The following CMTM8 variants were observed in gnomAD, a reference collection of about 807,000 sequenced individuals.
CMTM8 encodes CKLF like MARVEL transmembrane domain containing 8.
In CMTM8, 12 loss-of-function variants were observed where a neutral mutation model predicts 18.6. That is an observed-to-expected ratio of 0.65 (90% CI 0.41 to 1.05). The LOEUF (loss-of-function observed/expected upper bound fraction) is 1.05, where lower values mean the gene tolerates loss of function less well. CMTM8 is among the 50% of genes least tolerant of loss of function. The pLI is 0.00. For missense variants in CMTM8, 217 were observed against 227.2 expected (o/e 0.95, Z 0.29); for synonymous variants, 87 against 90.6 (o/e 0.96, Z 0.23).
chr3:32,282,120 A>G (rs1195992695), intron 1 of CMTM8, among the ~76,000 whole-genome samples: 8 of 152,176 alleles, frequency 5.3e-5, no homozygotes, highest in Admixed American at 5.2e-4. Flanking sequence ...CTCTTCTGAT[A>G]TGTCTCATAG....
intron 1 of CMTM8, among the ~76,000 whole-genome samples, chr3:32,309,300 ATTTTTTTTTTTTTT>A (rs4038996): frequency 1.0e-5 from 1 of 96,436 alleles, no homozygotes; most frequent in Non-Finnish European, 2.0e-5. Flanking sequence ...CAATTTACCA[ATTTTTTTTTTTTTT>A]TTTTTTTTTT....
In CMTM8 at chr3:32,239,079, TC is replaced by T; in HGVS notation, c.109del (p.Leu37SerfsTer40). On this transcript the variant is annotated frameshift_variant, in exon 1 of 4. Coordinates refer to ENST00000307526, the MANE Select transcript of CMTM8 (RefSeq NM_178868.5). LOFTEE classifies it high-confidence loss of function. ...AGCAGCTTCGCCTACGACCGGGAGT[TC>T]CTCCGCACCCTGCCCGGCTTCCTCA... ...SSSSFAYDRE[F>X]LRTLPGFLIV... 6.2e-7 allele frequency: 1 copy of T among 1,600,942 alleles called. No homozygotes were observed. Among genetic ancestry groups the T allele is most frequent in the Non-Finnish European group, 8.5e-7 (1 of 1,174,406 alleles).
chr3:32,316,679 C>G (rs1375435132), intron 1 of CMTM8, among the ~76,000 whole-genome samples: 2 of 152,016 alleles, frequency 1.3e-5, no homozygotes, highest in African/African-American at 4.8e-5. Flanking sequence ...TTTTTTTCCC[C>G]CTAAAACAGC....
intron 2 of CMTM8, among the ~76,000 whole-genome samples, chr3:32,361,286 G>GTTTTTTTTTTTTTTTTTTTTT (rs58364646): frequency 1.1e-5 from 1 of 87,266 alleles, no homozygotes; most frequent in African/African-American, 4.0e-5. Flanking sequence ...CAGCCTAAGA[G>GTTTTTTTTTTTTTTTTTTTTT]TTTTTTTTTC....
chr3:32,367,787 G>T, intron 2 of CMTM8, 85 bp from the exon 3 acceptor site: 1 of 856,804 alleles, frequency 1.2e-6, no homozygotes. Context: ...CCCCACACCA[G>T]AGGTACAGCC....
chr3:32,363,629 C>T (rs1029722141), intron 2 of CMTM8, among the ~76,000 whole-genome samples: 1 of 152,210 alleles, frequency 6.6e-6, no homozygotes, highest in Non-Finnish European at 1.5e-5. Flanking sequence ...CCCAAAGCCA[C>T]ATAGCTGTGA....
intron 1 of CMTM8, among the ~76,000 whole-genome samples, chr3:32,286,483 A>G (rs950357856): frequency 6.6e-6 from 1 of 152,112 alleles, no homozygotes; most frequent in African/African-American, 2.4e-5. Context: ...GGCAAAGTTA[A>G]TGTTCCCCAC....
intron 1 of CMTM8, among the ~76,000 whole-genome samples, chr3:32,342,143 G>A (rs1454991917): frequency 6.6e-6 from 1 of 152,058 alleles, no homozygotes; most frequent in African/African-American, 2.4e-5. Context: ...AGCTACTCAG[G>A]AGGCTGAGGC....
intron 1 of CMTM8, among the ~76,000 whole-genome samples, chr3:32,268,438 C>T (rs1702383093): frequency 6.6e-6 from 1 of 152,000 alleles, no homozygotes; most frequent in African/African-American, 2.4e-5. Context: ...ACCCCGGGGC[C>T]TGTTGTGGGG....
At chr3:32,268,799 A>C (rs932347549) in intron 1 of CMTM8, among the ~76,000 whole-genome samples, 1 of 152,210 alleles carries the variant, frequency 6.6e-6, no homozygotes, top group Non-Finnish European at 1.5e-5. Context: ...GTTTTCCAGA[A>C]GTCTGAGTTT....
chr3:32,267,526 A>G (rs1702367738), intron 1 of CMTM8, among the ~76,000 whole-genome samples: 1 of 152,240 alleles, frequency 6.6e-6, no homozygotes, highest in Non-Finnish European at 1.5e-5. Flanking sequence ...ATTACCATTC[A>G]GGACATAGGC....
intron 1 of CMTM8, among the ~76,000 whole-genome samples, chr3:32,325,159 T>G (rs1271961313): frequency 2.0e-5 from 3 of 152,230 alleles, no homozygotes; most frequent in Non-Finnish European, 4.4e-5. Flanking sequence ...CTGCCATCCT[T>G]CAGTGAACTA....
intron 1 of CMTM8, among the ~76,000 whole-genome samples, chr3:32,349,969 C>G (rs868791140): frequency 7.9e-5 from 12 of 152,178 alleles, no homozygotes; most frequent in Admixed American, 1.3e-4. Flanking sequence ...GATCGCAGCA[C>G]TGTACTCTAG....
At chr3:32,266,023 G>A (rs1668360399) in intron 1 of CMTM8, among the ~76,000 whole-genome samples, 1 of 152,188 alleles carries the variant, frequency 6.6e-6, no homozygotes, top group Admixed American at 6.5e-5. Flanking sequence ...TCTACCAGAG[G>A]TACAAAGAGG....
At chr3:32,298,796 C>CT (rs1695538953) in intron 1 of CMTM8, among the ~76,000 whole-genome samples, 1 of 127,332 alleles carries the variant, frequency 7.9e-6, no homozygotes, top group Admixed American at 7.9e-5. Context: ...CCACACCCAG[C>CT]TAATATATAT....
intron 1 of CMTM8, among the ~76,000 whole-genome samples, chr3:32,262,187 C>T (rs1340556418): frequency 2.0e-5 from 3 of 152,126 alleles, no homozygotes; most frequent in African/African-American, 4.8e-5. Context: ...CTCAACACCA[C>T]GAAGCGAGGA....
chr3:32,286,973 C>T (rs1559370229), intron 1 of CMTM8, among the ~76,000 whole-genome samples: 1 of 152,206 alleles, frequency 6.6e-6, no homozygotes, highest in Non-Finnish European at 1.5e-5. Flanking sequence ...CGGCTCTGAG[C>T]GTGGGCAGAT....
chr3:32,342,735 G>A (rs755979437), intron 1 of CMTM8, among the ~76,000 whole-genome samples: 15 of 152,218 alleles, frequency 9.9e-5, no homozygotes, highest in Admixed American at 3.9e-4. Flanking sequence ...GAGAAAAGTA[G>A]GTTTTTTACC....
At chr3:32,360,993 C>T (rs547874285) in intron 2 of CMTM8, among the ~76,000 whole-genome samples, 27 of 152,110 alleles carry the variant, frequency 1.8e-4, no homozygotes, top group African/African-American at 3.1e-4. Context: ...TGTTTTGTTT[C>T]GTTTTGAGAT....
Sources: gnomAD v4.1 joint callset for allele counts (sites outside exome capture counted in the v4.1 genomes callset) on GRCh38, gnomAD v4.1.1 for gene constraint, MANE v1.5 for transcripts, NCBI Gene and HGNC (gene_info 2026-07-23, HGNC 2026-07-21) for gene names.